The following HPCAL1 variants were observed in gnomAD, a reference collection of about 807,000 sequenced individuals.
HPCAL1 encodes hippocalcin-like protein 1.
HPCAL1 carries 8 observed loss-of-function variants against 17.1 expected under a neutral mutation model. The observed-to-expected ratio is 0.47, with a 90% CI of 0.27 to 0.84. The LOEUF is 0.84. HPCAL1 is among the 40% of genes least tolerant of loss of function. The probability of loss-of-function intolerance (pLI) is 0.13; values close to 1 mark genes in which losing one functional copy is unlikely to be tolerated. For missense variants in HPCAL1, 165 were observed against 271.1 expected (o/e 0.61, Z 2.75); for synonymous variants, 112 against 111.4 (o/e 1.01, Z -0.03).
intron 1 of HPCAL1, among the ~76,000 whole-genome samples, chr2:10,368,147 C>T (rs1396094479): frequency 6.6e-6 from 1 of 151,206 alleles, no homozygotes; most frequent in Non-Finnish European, 1.5e-5. Flanking sequence ...TGCACACGTG[C>T]ATGTGTAGGT....
At chr2:10,396,671 A>G (rs1669049257) in intron 1 of HPCAL1, among the ~76,000 whole-genome samples, 164 bp from the exon 2 acceptor site, 1 of 152,196 alleles carries the variant, frequency 6.6e-6, no homozygotes, top group Non-Finnish European at 1.5e-5. Flanking sequence ...GCCCCTGTCC[A>G]TGGTGGCTGG....
intron 1 of HPCAL1, among the ~76,000 whole-genome samples, chr2:10,345,387 T>C (rs1187813045): frequency 6.6e-6 from 1 of 152,202 alleles, no homozygotes; most frequent in East Asian, 1.9e-4. Context: ...AAGCACTACT[T>C]CACAGTGCTG....
intron 1 of HPCAL1, among the ~76,000 whole-genome samples, chr2:10,311,816 A>T (rs139583675): frequency 4.5e-4 from 69 of 152,138 alleles, no homozygotes; most frequent in African/African-American, 1.6e-3. Flanking sequence ...TATCACTGAC[A>T]TCATCACTTT....
At chr2:10,364,009 C>T (rs963389587) in intron 1 of HPCAL1, among the ~76,000 whole-genome samples, 1 of 152,204 alleles carries the variant, frequency 6.6e-6, no homozygotes, top group Non-Finnish European at 1.5e-5. Flanking sequence ...GGGCACTGGT[C>T]CCAGCTTGGT....
At chr2:10,388,486 C>T (rs1668472015) in intron 1 of HPCAL1, among the ~76,000 whole-genome samples, 2 of 152,178 alleles carry the variant, frequency 1.3e-5, no homozygotes, top group South Asian at 2.1e-4. Flanking sequence ...CAAGACAACA[C>T]ATCGTGTTTC....
chr2:10,360,069 T>G (rs1033426325), intron 1 of HPCAL1, among the ~76,000 whole-genome samples: 1 of 152,150 alleles, frequency 6.6e-6, no homozygotes, highest in African/African-American at 2.4e-5. Context: ...CCTCAGACCC[T>G]GGGGAGAGCT....
chr2:10,371,378 C>T (rs1572740110), intron 1 of HPCAL1, among the ~76,000 whole-genome samples: 5 of 133,510 alleles, frequency 3.7e-5, no homozygotes, highest in African/African-American at 1.5e-4. Flanking sequence ...CTAAATCATT[C>T]GCCCTGTTCA....
At chr2:10,348,612 A>T (rs113158180) in intron 1 of HPCAL1, among the ~76,000 whole-genome samples, 41,979 of 149,286 alleles carry the variant, frequency 0.28, 6,969 homozygotes, top group African/African-American at 0.46. Context: ...AAAAAAAAAA[A>T]ATATATATAT....
chr2:10,382,163 A>G (rs892929647), intron 1 of HPCAL1, among the ~76,000 whole-genome samples: 32 of 152,228 alleles, frequency 2.1e-4, no homozygotes, highest in African/African-American at 7.5e-4. Flanking sequence ...GCATATGAGT[A>G]GGTGAGAGAA....
intron 1 of HPCAL1, among the ~76,000 whole-genome samples, chr2:10,369,973 T>G (rs911883285): frequency 6.6e-6 from 1 of 152,258 alleles, no homozygotes; most frequent in Admixed American, 6.5e-5. Context: ...AGCCCTTATC[T>G]CAATGTGCAG....
At position 10,420,060 on chromosome 2, in the gene HPCAL1, C is replaced by G. The variant is rs747115286; in HGVS notation, c.303C>G (p.Leu101=). ...CGCGGGGCAAGCTGGAGCAGAAGCT[C>G]AAGTGGGCCTTCAGCATGTACGACC... is the stretch of plus-strand genomic sequence containing the variant. ...VTSRGKLEQK[L]KWAFSMYDLD... The change falls in exon 3 of 5, where the codon CTC becomes CTG. Residue 101 remains leucine (L), a synonymous_variant. Coordinates refer to ENST00000307845, the MANE Select transcript of HPCAL1 (RefSeq NM_002149.4). 14 of 1,613,734 alleles carry G rather than the reference C, an allele frequency of 8.7e-6. No homozygotes were observed. Among genetic ancestry groups the G allele is most frequent in the Non-Finnish European group, 7.6e-6 (9 of 1,180,034 alleles).
At chr2:10,337,744 C>G (rs921899739) in intron 1 of HPCAL1, among the ~76,000 whole-genome samples, 2 of 152,168 alleles carry the variant, frequency 1.3e-5, no homozygotes, top group African/African-American at 4.8e-5. Context: ...TTCCCCCAGC[C>G]CCTTCCTTCC....
chr2:10,389,139 A>G (rs187967661), intron 1 of HPCAL1, among the ~76,000 whole-genome samples: 15 of 152,334 alleles, frequency 9.8e-5, no homozygotes, highest in East Asian at 5.8e-4. Context: ...TACCACTGCC[A>G]TGGTAATACC....
intron 2 of HPCAL1, among the ~76,000 whole-genome samples, chr2:10,406,090 G>A (rs887569536): frequency 4.6e-5 from 7 of 152,176 alleles, no homozygotes; most frequent in Admixed American, 2.6e-4. Context: ...ATCAACATGC[G>A]TTCTCCTACA....
At chr2:10,306,408 C>T (rs1455820911) in intron 1 of HPCAL1, among the ~76,000 whole-genome samples, 1 of 152,136 alleles carries the variant, frequency 6.6e-6, no homozygotes. Flanking sequence ...TACTTTGGGG[C>T]TCCCTGCTCT....
chr2:10,373,996 C>T (rs1667389693), intron 1 of HPCAL1, among the ~76,000 whole-genome samples: 1 of 152,232 alleles, frequency 6.6e-6, no homozygotes, highest in Admixed American at 6.5e-5. Flanking sequence ...GAAAGTCCGT[C>T]CTGGCCAAGT....
intron 1 of HPCAL1, among the ~76,000 whole-genome samples, chr2:10,351,381 G>C (rs1394943492): frequency 6.6e-6 from 1 of 152,226 alleles, no homozygotes; most frequent in Non-Finnish European, 1.5e-5. Context: ...AAGCAGATTA[G>C]TTGTTGCCTG....
intron 1 of HPCAL1, among the ~76,000 whole-genome samples, chr2:10,346,532 G>A (rs548896832): frequency 9.2e-5 from 14 of 152,256 alleles, no homozygotes; most frequent in Admixed American, 3.3e-4. Flanking sequence ...CTAGGTCTCC[G>A]TGCAGGCATT....
chr2:10,402,124 T>C (rs1312364456), intron 2 of HPCAL1, among the ~76,000 whole-genome samples: 6 of 152,192 alleles, frequency 3.9e-5, no homozygotes, highest in African/African-American at 1.2e-4. Flanking sequence ...GGTCTTGAAC[T>C]CCTGACCTCA....
Sources: allele counts gnomAD v4.1 joint callset (sites outside exome capture counted in the v4.1 genomes callset), GRCh38; gene constraint gnomAD v4.1.1; transcripts MANE v1.5; gene names NCBI Gene and HGNC (gene_info 2026-07-23, HGNC 2026-07-21).